ESRRG: variants seen among roughly 807,000 people sequenced by gnomAD.
ESRRG encodes estrogen related receptor gamma, also known as estrogen-related receptor gamma.
Under a neutral mutation model 44.0 loss-of-function variants are expected in ESRRG, and 13 were observed. The ratio of observed to expected loss-of-function variants is 0.30; its 90% confidence interval spans 0.19 to 0.47. The LOEUF is 0.47. Among genes scored for constraint, ESRRG ranks in the 20% least tolerant of loss-of-function variants. ESRRG has a pLI of 1.00. For synonymous variants in ESRRG, 215 were observed against 214.6 expected, an observed-to-expected ratio of 1.00 and a Z score of -0.02; for missense variants, 395 against 580.6, an observed-to-expected ratio of 0.68 and a Z score of 3.29.
intron 1 of ESRRG, among the ~76,000 whole-genome samples, chr1:216,721,924 A>T (rs2086403672): frequency 6.6e-6 from 1 of 152,110 alleles, no homozygotes. Flanking sequence ...ATAATCTTTC[A>T]GTTCCTCCTA....
intron 1 of ESRRG, among the ~76,000 whole-genome samples, chr1:217,008,394 G>A (rs192359577): frequency 1.4e-3 from 206 of 152,278 alleles, no homozygotes; most frequent in Non-Finnish European, 2.4e-3. Flanking sequence ...TCTAGCAACT[G>A]AATTCAAACC....
intron 3 of ESRRG, among the ~76,000 whole-genome samples, chr1:216,642,625 G>A (rs2066680288): frequency 6.6e-6 from 1 of 152,138 alleles, no homozygotes; most frequent in African/African-American, 2.4e-5. Flanking sequence ...AGAAATACCT[G>A]TGAGGTCAAC....
chr1:216,672,934 A>G (rs1302569514), intron 2 of ESRRG, among the ~76,000 whole-genome samples: 1 of 152,212 alleles, frequency 6.6e-6, no homozygotes, highest in African/African-American at 2.4e-5. Flanking sequence ...GAAAATGCCT[A>G]TGGATGCACA....
chr1:216,578,979 A>C (rs751779231), intron 3 of ESRRG, among the ~76,000 whole-genome samples: 1 of 152,154 alleles, frequency 6.6e-6, no homozygotes, highest in Admixed American at 6.6e-5. Context: ...ACTGGTGAAA[A>C]TAAGAAATCT....
At chr1:217,034,971 C>T (rs183027306) in intron 1 of ESRRG, among the ~76,000 whole-genome samples, 206 of 152,196 alleles carry the variant, frequency 1.4e-3, no homozygotes, top group South Asian at 3.5e-3. Context: ...TTATTTTTAA[C>T]AAGGCTTTAA....
chr1:217,120,575 G>C (rs12040162), intron 1 of ESRRG, among the ~76,000 whole-genome samples: 5 of 151,756 alleles, frequency 3.3e-5, no homozygotes, highest in African/African-American at 1.2e-4. Flanking sequence ...GTTCTTCAGC[G>C]TCTAGCCCCT....
chr1:216,526,790 A>C (rs774393952), intron 5 of ESRRG, among the ~76,000 whole-genome samples: 8 of 152,156 alleles, frequency 5.3e-5, no homozygotes, highest in Non-Finnish European at 1.2e-4. Flanking sequence ...AACGGTGAGC[A>C]CCTCAGACAA....
rs80191163 is a variant in ESRRG, at chr1:216,677,410, T to G, written c.138A>C (p.Pro46=). ...SSFIKTEPSS[P]ASLTDSVNHH... ...GGTTGACGCTGTCCGTCAGGGAGGC[T>G]GGGCTGGAAGGTTCCGTCTTGATGA... Residue 46 remains proline (P), a synonymous_variant, in exon 2 of 7, where the codon CCA becomes CCC. Transcript: ENST00000408911. 1 of 1,614,036 alleles carries G rather than the reference T, an allele frequency of 6.2e-7. No homozygotes were observed. The highest frequency in any genetic ancestry group is 8.5e-7 in the Non-Finnish European group (1 of 1,180,028).
Position 216,948,284 on chromosome 1 carries a change from T to C in ESRRG, c.-105-8611A>G, listed in dbSNP as rs368830744. The stretch of plus-strand genomic sequence containing the variant: ...AAGAAATAGGGGACCTGGCCAGGCA[T>C]GGTGGCTCATGCCTGGAATCTCAGC... On this transcript the variant is annotated intron_variant, in intron 1 of 7. Transcript: ENST00000359162. 3.1e-4 allele frequency among the ~76,000 whole-genome samples: 47 copies of C among 151,646 alleles called. 1 individual carries two copies. In the South Asian group the frequency reaches 3.8e-3, roughly 12 times the overall value.
intron 3 of ESRRG, among the ~76,000 whole-genome samples, chr1:216,568,610 C>G (rs2060112947): frequency 6.6e-6 from 1 of 152,180 alleles, no homozygotes. Context: ...TTACACTACA[C>G]AGATTCAGTC....
chr1:216,802,096 C>G (rs1422205791), intron 2 of ESRRG, among the ~76,000 whole-genome samples: 2 of 152,112 alleles, frequency 1.3e-5, no homozygotes, highest in East Asian at 1.9e-4. Flanking sequence ...GACAATGTCC[C>G]TTCCCCCAAA....
chr1:217,071,447 TA>T (rs2090551994), intron 1 of ESRRG, among the ~76,000 whole-genome samples: 1 of 152,120 alleles, frequency 6.6e-6, no homozygotes, highest in African/African-American at 2.4e-5. Context: ...AAGATAGGGG[TA>T]AAAATATCTA....
At position 216,668,063 on chromosome 1, in the gene ESRRG, C is replaced by G. The variant is rs192572782; in HGVS notation, c.472+9013G>C. Among the ~76,000 whole-genome samples, 7 of 152,066 alleles carry G rather than the reference C, an allele frequency of 4.6e-5. No individual in the cohort carries two copies. In the East Asian group the frequency reaches 1.4e-3, roughly 29 times the overall value. On this transcript the variant is annotated intron_variant, in intron 2 of 6. Coordinates refer to ENST00000408911, the MANE Select transcript of ESRRG (RefSeq NM_001438.4). ...AGTGAGCCAAGATCACACCATTGCA[C>G]TCCAGCCTGGGTGACAGAACGAGAC... is the stretch of plus-strand genomic sequence containing the variant.
At chr1:216,602,036 T>G (rs1425467960) in intron 3 of ESRRG, among the ~76,000 whole-genome samples, 1 of 152,184 alleles carries the variant, frequency 6.6e-6, no homozygotes, top group Non-Finnish European at 1.5e-5. Flanking sequence ...GAAATAAGCA[T>G]TGGATAAAAA....
At chr1:216,733,371 G>T (rs912083727) in intron 2 of ESRRG, among the ~76,000 whole-genome samples, 5 of 151,586 alleles carry the variant, frequency 3.3e-5, no homozygotes, top group African/African-American at 4.9e-5. Flanking sequence ...GCTTAAATAA[G>T]ACAATATTAG....
At chr1:217,067,085 A>T (rs549090686) in intron 1 of ESRRG, among the ~76,000 whole-genome samples, 2 of 152,210 alleles carry the variant, frequency 1.3e-5, no homozygotes, top group Non-Finnish European at 2.9e-5. Context: ...ACATATGCAA[A>T]CTCAACATTT....
chr1:217,107,075 A>C (rs1360083620), intron 1 of ESRRG, among the ~76,000 whole-genome samples: 1 of 152,208 alleles, frequency 6.6e-6, no homozygotes, highest in Non-Finnish European at 1.5e-5. Flanking sequence ...CCCAGCAGAG[A>C]TATTACAGCA....
At chr1:216,981,004 C>G (rs900290711) in intron 1 of ESRRG, among the ~76,000 whole-genome samples, 2 of 152,120 alleles carry the variant, frequency 1.3e-5, no homozygotes, top group Admixed American at 6.6e-5. Flanking sequence ...CTATTTGCAT[C>G]CTTTTCTGAC....
chr1:217,103,228 G>A lies in ESRRG; in HGVS notation c.-230+34439C>T, dbSNP rs189906188. The stretch of plus-strand genomic sequence containing the variant: ...GAGTAGAGGAATGGAAGCCTCCTCC[G>A]TCAGTCAACCTTGGTACTACCACTG... On this transcript the variant is annotated intron_variant, in intron 1 of 8. Coordinates refer to the ESRRG transcript ENST00000366940. Among the ~76,000 whole-genome samples the A allele has an allele frequency of 2.3e-4, 35 of 152,190 alleles. No individual in the cohort carries two copies. In the East Asian group the frequency reaches 5.4e-3, roughly 24 times the overall value.
Sources: gnomAD v4.1 joint callset for allele counts (sites outside exome capture counted in the v4.1 genomes callset) on GRCh38, gnomAD v4.1.1 for gene constraint, MANE v1.5 for transcripts, NCBI Gene and HGNC (gene_info 2026-07-23, HGNC 2026-07-21) for gene names.